ZNF57: variants seen among roughly 807,000 people sequenced by gnomAD.
The protein encoded by ZNF57 is zinc finger protein 424.
ZNF57 carries 11 observed loss-of-function variants against 13.4 expected under a neutral mutation model. That is an observed-to-expected ratio of 0.82 (90% CI 0.52 to 1.36). The LOEUF (loss-of-function observed/expected upper bound fraction) is 1.36. ZNF57 is among the 40% of genes most tolerant of loss of function. ZNF57 has a pLI of 0.00. For synonymous variants in ZNF57, 224 were observed against 238.5 expected (o/e 0.94, Z 0.56); for missense variants, 696 against 667.5 (o/e 1.04, Z -0.47).
Position 2,917,107 on chromosome 19 carries a change from CTG to C in ZNF57, c.489_490del (p.Cys163TrpfsTer8), listed in dbSNP as rs1568184164. The C allele has an allele frequency of 6.2e-7, 1 of 1,614,064 alleles. No individual in the cohort carries two copies. Among genetic ancestry groups the C allele is most frequent in the African/African-American group, 1.3e-5 (1 of 75,062 alleles). On this transcript the variant is annotated frameshift_variant, in exon 4 of 4. Coordinates refer to ENST00000306908, the MANE Select transcript of ZNF57 (RefSeq NM_173480.3). LOFTEE classifies it low-confidence loss of function (END_TRUNC). ...CTCTTAAAAGGCACGTCAAGTCTCA[CTG>C]TGGACGAAAAGCACCTCCAGGTGAG... is the stretch of plus-strand genomic sequence containing the variant. ...SSLKRHVKSHCGRKAPPGEEC... is the reference protein window; with the variant it reads ...SSLKRHVKSHXGRKAPPGEEC...
Position 2,917,954 on chromosome 19 carries a change from G to A in ZNF57, c.1333G>A (p.Glu445Lys), listed in dbSNP as rs1465105665. The part of the protein sequence containing the change: ...FREHVRIHTQ[E>K]QLHKCEHCGK... ...AGAACATGTGAGAATTCACACGCAA[G>A]AGCAGCTCCATAAATGTGAACACTG... The change falls in exon 4 of 4, where the codon GAG (glutamate) becomes AAG (lysine). Residue 445 changes from glutamate to lysine, a missense_variant. By Grantham distance (56) the Glu-to-Lys change is moderately conservative. Transcript: ENST00000306908. 1 of 1,613,522 alleles carries A rather than the reference G, an allele frequency of 6.2e-7. No individual in the cohort carries two copies. Among genetic ancestry groups the A allele is most frequent in the Non-Finnish European group, 8.5e-7 (1 of 1,179,844 alleles).
At chr19:2,902,227 C>T (rs1384233228) in intron 1 of ZNF57, among the ~76,000 whole-genome samples, 3 of 148,726 alleles carry the variant, frequency 2.0e-5, no homozygotes, top group Non-Finnish European at 4.5e-5. Flanking sequence ...ACGACCTCAG[C>T]GGTGGGAGTT....
chr19:2,907,781 A>T (rs1661335910), intron 1 of ZNF57, among the ~76,000 whole-genome samples: 1 of 152,202 alleles, frequency 6.6e-6, no homozygotes, highest in African/African-American at 2.4e-5. Context: ...TGGTGTGATC[A>T]CAGCTCACTG....
intron 1 of ZNF57, among the ~76,000 whole-genome samples, chr19:2,907,311 T>A (rs1466219253): frequency 1.3e-5 from 2 of 152,078 alleles, no homozygotes; most frequent in Non-Finnish European, 2.9e-5. Flanking sequence ...GGTGGGGACT[T>A]GAGTCTAGTG....
Position 2,917,904 on chromosome 19 carries a change from C to G in ZNF57, c.1283C>G (p.Thr428Ser). ...TATGAGTGTAAACAATGTGGAAAAACCTTCACTTGGTCCTCAACGTTTAGA... is the reference window on the plus strand; with the variant it reads ...TATGAGTGTAAACAATGTGGAAAAAGCTTCACTTGGTCCTCAACGTTTAGA... ...KPYECKQCGK[T>S]FTWSSTFREH... Residue 428 changes from threonine to serine, a missense_variant, in exon 4 of 4, where the codon ACC (threonine) becomes AGC (serine). Thr to Ser is a moderately conservative substitution (Grantham distance 58, BLOSUM62 1). This residue lies in a region of ZNF57 where 645 missense variants were observed against 591.5 expected (regional missense o/e 1.09). Transcript: ENST00000306908. 1 of 1,613,952 alleles carries G rather than the reference C, an allele frequency of 6.2e-7. No homozygotes were observed. Among genetic ancestry groups the G allele is most frequent in the Middle Eastern group, 1.6e-4 (1 of 6,062 alleles).
In ZNF57 at chr19:2,916,929, A is replaced by G. The variant is rs151095249; in HGVS notation, c.308A>G (p.His103Arg). Residue 103 changes from histidine to arginine, a missense_variant, in exon 4 of 4, where the codon CAT becomes CGT. This residue lies in a region of ZNF57 where 645 missense variants were observed against 591.5 expected (regional missense o/e 1.09). Coordinates refer to ENST00000306908, the MANE Select transcript of ZNF57 (RefSeq NM_173480.3). ...TEDHHKNLRNHMVDRFCTHNE... is the reference protein window; with the variant it reads ...TEDHHKNLRNRMVDRFCTHNE... ...ATGTCTCTCATTTTTAACAGAAATC[A>G]TATGGTGGACAGATTCTGTACACAT... is the stretch of plus-strand genomic sequence containing the variant. 3.3e-4 allele frequency: 523 copies of G among 1,569,266 alleles called. 1 individual carries two copies. In the African/African-American group the frequency reaches 6.6e-3, roughly 20 times the overall value.
At position 2,917,453 on chromosome 19, in the gene ZNF57, A is replaced by G. The variant is rs914594211; in HGVS notation, c.832A>G (p.Lys278Glu). The G allele has an allele frequency of 6.2e-7, 1 of 1,614,060 alleles. No homozygotes were observed. The highest frequency in any genetic ancestry group is 1.3e-5 in the African/African-American group (1 of 74,938). Residue 278 changes from lysine to glutamate, a missense_variant, in exon 4 of 4, where the codon AAG becomes GAG. Physicochemically the swap from Lys to Glu is moderately conservative, Grantham distance 56. Coordinates refer to ENST00000306908, the MANE Select transcript of ZNF57 (RefSeq NM_173480.3). ...QRHMTTHTGE[K>E]PYKCQHCGKA... ...ACACATGACAACACACACTGGAGAGAAGCCCTATAAATGTCAGCACTGTGG... is the reference window on the plus strand; with the variant it reads ...ACACATGACAACACACACTGGAGAGGAGCCCTATAAATGTCAGCACTGTGG...
Position 2,916,784 on chromosome 19 carries a change from T to G in ZNF57, c.303-140T>G, listed in dbSNP as rs577941057. ...ATAATAAATACTGCATTAAAAAATA[T>G]GTCTCTTCAAACAATTCAGAATAGA... On this transcript the variant is annotated intron_variant, in intron 3 of 3. Coordinates refer to ENST00000306908, the MANE Select transcript of ZNF57 (RefSeq NM_173480.3). The G allele has an allele frequency of 1.2e-5, 8 of 640,168 alleles. No homozygotes were observed. In the South Asian group the frequency reaches 1.7e-4, roughly 14 times the overall value. The allele number at this position is 640,168 out of a possible 1,614,324, so 39.7% of individuals were successfully genotyped here. A position where few individuals can be genotyped will look rare whatever the true frequency, so the allele number is the denominator to read the frequency against.
At chr19:2,913,135 G>C (rs752955596) in intron 1 of ZNF57, among the ~76,000 whole-genome samples, 15 of 152,146 alleles carry the variant, frequency 9.9e-5, no homozygotes, top group Non-Finnish European at 1.6e-4. Flanking sequence ...TGTGTTTTTA[G>C]TAGAGACGGG....
In ZNF57 at chr19:2,915,509, T is replaced by C; in HGVS notation, c.4-13T>C. 3 of 1,613,218 alleles carry C rather than the reference T, an allele frequency of 1.9e-6. No individual in the cohort carries two copies. The highest frequency in any genetic ancestry group is 2.5e-6 in the Non-Finnish European group (3 of 1,179,472). On this transcript the variant is annotated splice_polypyrimidine_tract_variant and intron_variant, in intron 1 of 3. Coordinates refer to ENST00000306908, the MANE Select transcript of ZNF57 (RefSeq NM_173480.3). ...TCTCCAATCCTCCTGCACACCTGTGTGGTTTGTCTTAGGACTCAGTGGTCT... is the reference window on the plus strand; with the variant it reads ...TCTCCAATCCTCCTGCACACCTGTGCGGTTTGTCTTAGGACTCAGTGGTCT...
intron 1 of ZNF57, among the ~76,000 whole-genome samples, chr19:2,914,978 T>C (rs1340476988): frequency 6.6e-6 from 1 of 152,116 alleles, no homozygotes; most frequent in Non-Finnish European, 1.5e-5. Flanking sequence ...TTTAAAATAA[T>C]TTAAGAAAAT....
At position 2,912,378 on chromosome 19, in the gene ZNF57, T is replaced by C. The variant is rs535109510; in HGVS notation, c.4-3144T>C. On this transcript the variant is annotated intron_variant, in intron 1 of 3. Coordinates refer to ENST00000306908, the MANE Select transcript of ZNF57 (RefSeq NM_173480.3). ...GCCTATTTCAAAATCATTATTCTTCTCCTCTACAAGACTGGGCCCCCTGAG... is the reference window on the plus strand; with the variant it reads ...GCCTATTTCAAAATCATTATTCTTCCCCTCTACAAGACTGGGCCCCCTGAG... 8 of 152,318 alleles carry C rather than the reference T, an allele frequency of 5.3e-5. No homozygotes were observed. The East Asian group carries it at 1.5e-3, about 29-fold the overall frequency. The allele number at this position is 152,318 out of a possible 1,614,324, so 9.4% of individuals were successfully genotyped here.
intron 1 of ZNF57, among the ~76,000 whole-genome samples, chr19:2,902,464 A>G (rs1266213886): frequency 1.3e-5 from 2 of 152,154 alleles, no homozygotes; most frequent in African/African-American, 2.4e-5. Flanking sequence ...TCTCTCAGGA[A>G]TATTCTGTCT....
intron 1 of ZNF57, among the ~76,000 whole-genome samples, chr19:2,905,898 T>C (rs2088071256): frequency 6.6e-6 from 1 of 152,204 alleles, no homozygotes. Flanking sequence ...AAAATGAGGC[T>C]GGTTTTGGAT....
chr19:2,915,453 A>G, intron 1 of ZNF57, 69 bp from the exon 2 acceptor site: 2 of 1,565,298 alleles, frequency 1.3e-6, no homozygotes, highest in Non-Finnish European at 8.7e-7. Flanking sequence ...TGAATTTATG[A>G]ATTGAGTCCA....
At position 2,905,415 on chromosome 19, in the gene ZNF57, C is replaced by CCCCCCCCCA. The variant is rs1160916886; in HGVS notation, c.3+4370_3+4371insCCCCCACCC. Among the ~76,000 whole-genome samples the CCCCCCCCCA allele has an allele frequency of 1.3e-4, 9 of 71,912 alleles. 1 individual carries two copies. The highest frequency in any genetic ancestry group is 4.7e-4 in the South Asian group (1 of 2,150). 47.2% of individuals were successfully genotyped at this position (71,912 alleles called of 152,430 possible). On this transcript the variant is annotated intron_variant, in intron 1 of 3. Coordinates refer to ENST00000306908, the MANE Select transcript of ZNF57 (RefSeq NM_173480.3). ...CTTGACTTCAGGTGATCGCCCCCCCCCCCTCGGCATTCCAAAGTATTTGCA... is the reference window on the plus strand; with the variant it reads ...CTTGACTTCAGGTGATCGCCCCCCCCCCCCCCCCACCCTCGGCATTCCAAAGTATTTGCA...
At chr19:2,911,398 T>G (rs2144928088) in intron 1 of ZNF57, among the ~76,000 whole-genome samples, 2 of 152,204 alleles carry the variant, frequency 1.3e-5, no homozygotes, top group East Asian at 3.9e-4. Context: ...CTGGGCATGA[T>G]GGCGGGTGCC....
chr19:2,916,054 G>T (rs1178945180), intron 2 of ZNF57, 24 bp from the exon 3 acceptor site: 3 of 1,601,476 alleles, frequency 1.9e-6, no homozygotes, highest in South Asian at 2.2e-5. Context: ...TTCCTTTTGA[G>T]ATTTGTTTAC....
Position 2,910,239 on chromosome 19 carries a change from G to A in ZNF57, c.4-5283G>A, listed in dbSNP as rs1474987368. 8.4e-5 allele frequency among the ~76,000 whole-genome samples: 4 copies of A among 47,728 alleles called. 2 individuals carry two copies. Among genetic ancestry groups the A allele is most frequent in the Non-Finnish European group, 2.7e-4 (4 of 14,618 alleles). The allele number at this position is 47,728 out of a possible 152,430, so 31.3% of individuals were successfully genotyped here. A position where few individuals can be genotyped will look rare whatever the true frequency, so the allele number is the denominator to read the frequency against. On this transcript the variant is annotated intron_variant, in intron 1 of 3. Transcript: ENST00000306908. ...GCAATGCTGATTTAATTCCAGTATT[G>A]TCTAAGAGCATATGATGTACGATAT...
Sources: gnomAD v4.1 joint callset for allele counts (sites outside exome capture counted in the v4.1 genomes callset) on GRCh38, gnomAD v4.1.1 for gene constraint, gnomAD v4.1.1 regional missense constraint, MANE v1.5 for transcripts, NCBI Gene and HGNC (gene_info 2026-07-23, HGNC 2026-07-21) for gene names.